PRSS12: variants seen among roughly 807,000 people sequenced by gnomAD.
PRSS12 encodes the protein neurotrypsin.
PRSS12 carries 85 observed loss-of-function variants against 104.4 expected under a neutral mutation model. The observed-to-expected ratio is 0.81, with a 90% CI of 0.68 to 0.98. The LOEUF is 0.98. Among genes scored for constraint, PRSS12 ranks in the 50% least tolerant of loss-of-function variants. The probability of loss-of-function intolerance (pLI) is 0.00; values close to 1 mark genes in which losing one functional copy is unlikely to be tolerated. For synonymous variants in PRSS12, 454 were observed against 425.2 expected (o/e 1.07, Z -0.83); for missense variants, 1,141 against 1,139.2 (o/e 1.00, Z -0.02).
chr4:118,343,955 AC>A (rs1272623482), intron 1 of PRSS12, among the ~76,000 whole-genome samples: 5 of 152,186 alleles, frequency 3.3e-5, no homozygotes, highest in Admixed American at 6.5e-5. Context: ...GTAAAAAAAA[AC>A]TTCACGTTTT....
chr4:118,306,809 T>TTA (rs1743566752), intron 8 of PRSS12, among the ~76,000 whole-genome samples: 1 of 152,082 alleles, frequency 6.6e-6, no homozygotes, highest in African/African-American at 2.4e-5. Context: ...ACTACATGTG[T>TTA]GTTGATGATG....
At chr4:118,282,761 AT>A in intron 12 of PRSS12, 69 bp downstream of exon 12, 1 of 1,600,682 alleles carries the variant, frequency 6.2e-7, no homozygotes, top group East Asian at 2.2e-5. Flanking sequence ...CTTATTGCCC[AT>A]TGCACACCCA....
rs774121509 is a variant in PRSS12 at position 118,281,715 on chromosome 4, T to A, written c.*221A>T. On this transcript the variant is annotated 3_prime_UTR_variant, in exon 13 of 13. Transcript: ENST00000296498. ...TTAGAATAAGTCACTCCAGTGAAATTAGGGTAGAAAATGTTCATTTAAGGA... is the reference window on the plus strand; with the variant it reads ...TTAGAATAAGTCACTCCAGTGAAATAAGGGTAGAAAATGTTCATTTAAGGA... The A allele has an allele frequency of 1.4e-4, 83 of 583,596 alleles. No homozygotes were observed. Among genetic ancestry groups the A allele is most frequent in the Non-Finnish European group, 2.1e-4 (67 of 326,212 alleles). The allele number at this position is 583,596 out of a possible 1,614,324, so 36.2% of individuals were successfully genotyped here. A position where few individuals can be genotyped will look rare whatever the true frequency, so the allele number is the denominator to read the frequency against.
rs76567334 is a variant in PRSS12, at chr4:118,335,428, A to T, written c.820+45T>A. 1.8e-3 allele frequency: 2,848 copies of T among 1,602,526 alleles called. 10 individuals carry two copies. Among genetic ancestry groups the T allele is most frequent in the Non-Finnish European group, 2.1e-3 (2,444 of 1,170,524 alleles). ...CTTTCATCATCTGGAATCACGTTTA[A>T]AACATAATGAAAGTAAAACAACAGA... On this transcript the variant is annotated intron_variant, in intron 3 of 12. Transcript: ENST00000296498.
intron 5 of PRSS12, among the ~76,000 whole-genome samples, chr4:118,317,948 T>C (rs1337914516): frequency 1.3e-5 from 2 of 152,194 alleles, no homozygotes; most frequent in East Asian, 1.9e-4. Flanking sequence ...AAATTGTGCA[T>C]AGCAAAGTTA....
intron 4 of PRSS12, among the ~76,000 whole-genome samples, chr4:118,319,063 CTT>C (rs1204037641): frequency 6.6e-6 from 1 of 151,872 alleles, no homozygotes; most frequent in Non-Finnish European, 1.5e-5. Flanking sequence ...TTTTGTTTTT[CTT>C]TTTGTTATGT....
intron 1 of PRSS12, among the ~76,000 whole-genome samples, chr4:118,340,742 C>T (rs557751862): frequency 6.6e-6 from 1 of 152,272 alleles, no homozygotes; most frequent in South Asian, 2.1e-4. Context: ...CGTGGTTTTA[C>T]GTGACGTGGG....
At chr4:118,336,506 G>T (rs1026731619) in intron 2 of PRSS12, among the ~76,000 whole-genome samples, 1 of 152,072 alleles carries the variant, frequency 6.6e-6, no homozygotes. Context: ...TATCTAAAAT[G>T]TAAATGTGTC....
At chr4:118,282,476 CATTT>C (rs796591427) in intron 12 of PRSS12, among the ~76,000 whole-genome samples, 3 of 152,264 alleles carry the variant, frequency 2.0e-5, no homozygotes, top group African/African-American at 4.8e-5. Flanking sequence ...TAATGAATAA[CATTT>C]ATGGATTTGT....
chr4:118,299,047 C>A, intron 8 of PRSS12, 109 bp from the exon 9 acceptor site: 1 of 1,219,066 alleles, frequency 8.2e-7, no homozygotes, highest in South Asian at 1.3e-5. Context: ...TTAAAATTAG[C>A]ATCTGCATGT....
intron 8 of PRSS12, among the ~76,000 whole-genome samples, chr4:118,300,920 G>A (rs938113777): frequency 3.0e-4 from 45 of 151,962 alleles, no homozygotes; most frequent in South Asian, 1.2e-3. Context: ...TCATTGTTGC[G>A]CATGTGTTTT....
At position 118,294,974 on chromosome 4, in the gene PRSS12, G is replaced by A; in HGVS notation, c.2004C>T (p.Ser668=). Residue 668 remains serine, a synonymous_variant, in exon 11 of 13, where the codon AGC becomes AGT. Transcript: ENST00000296498. The stretch of plus-strand genomic sequence containing the variant: ...AGTGTGCTGCTGTGAGGACCCAGCA[G>A]CTACTCAGGAGCGTAGCCCCGCAGA... ...RLLCGATLLS[S]CWVLTAAHCF... 6.2e-7 allele frequency: 1 copy of A among 1,614,140 alleles called. No homozygotes were observed. Among genetic ancestry groups the A allele is most frequent in the Admixed American group, 1.7e-5 (1 of 60,022 alleles).
chr4:118,341,624 G>A (rs187910704), intron 1 of PRSS12, among the ~76,000 whole-genome samples: 1 of 151,494 alleles, frequency 6.6e-6, no homozygotes, highest in African/African-American at 2.4e-5. Context: ...TGAGGTTGCG[G>A]CGAGCCGAGA....
chr4:118,303,551 T>TA (rs1279690933), intron 8 of PRSS12: 2 of 152,048 alleles, frequency 1.3e-5, no homozygotes, highest in African/African-American at 4.8e-5. Flanking sequence ...CTGCCATCCA[T>TA]AGAAAAAAGG....
intron 12 of PRSS12, 152 bp from the exon 13 acceptor site, chr4:118,282,395 T>C (rs1742905376): frequency 9.9e-7 from 1 of 1,008,134 alleles, no homozygotes; most frequent in African/African-American, 1.6e-5. Flanking sequence ...TGTACTATTG[T>C]TAGCTGCCTT....
Position 118,335,662 on chromosome 4 carries a change from A to G in PRSS12, c.642-11T>C. 1 of 1,613,482 alleles carries G rather than the reference A, an allele frequency of 6.2e-7. No homozygotes were observed. Among genetic ancestry groups the G allele is most frequent in the Non-Finnish European group, 8.5e-7 (1 of 1,179,470 alleles). On this transcript the variant is annotated splice_polypyrimidine_tract_variant and intron_variant, in intron 2 of 12. Coordinates refer to ENST00000296498, the MANE Select transcript of PRSS12 (RefSeq NM_003619.4). ...GCTATTCCTTTTCCTCTGGAAGTAC[A>G]ATGAGCGATATTAGGTTTATCAAAT...
chr4:118,282,540 A>G (rs1245046021), intron 12 of PRSS12, among the ~76,000 whole-genome samples: 2 of 152,204 alleles, frequency 1.3e-5, no homozygotes, highest in African/African-American at 4.8e-5. Flanking sequence ...TCGTATTTGA[A>G]TTCTGTATAT....
intron 1 of PRSS12, among the ~76,000 whole-genome samples, chr4:118,341,814 C>A (rs1358797833): frequency 6.6e-6 from 1 of 152,210 alleles, no homozygotes; most frequent in Admixed American, 6.5e-5. Flanking sequence ...GTTCCCTGCC[C>A]TGGTTACTGA....
chr4:118,320,858 C>T (rs1198791155), intron 4 of PRSS12, among the ~76,000 whole-genome samples: 1 of 151,984 alleles, frequency 6.6e-6, no homozygotes, highest in Admixed American at 6.6e-5. Context: ...GTGTGCCAAA[C>T]TCAAAATTTG....
Sources: gnomAD v4.1 joint callset for allele counts (sites outside exome capture counted in the v4.1 genomes callset) on GRCh38, gnomAD v4.1.1 for gene constraint, MANE v1.5 for transcripts, NCBI Gene and HGNC (gene_info 2026-07-23, HGNC 2026-07-21) for gene names.